STK32B: variants seen among roughly 807,000 people sequenced by gnomAD.
The protein encoded by STK32B is serine/threonine kinase 32B.
Under a neutral mutation model 52.6 loss-of-function variants are expected in STK32B, and 43 were observed. The ratio of observed to expected loss-of-function variants is 0.82; its 90% CI spans 0.64 to 1.05. STK32B has a LOEUF of 1.05. Ranked by LOEUF, STK32B falls within the 50% of genes least tolerant of loss-of-function variation. STK32B has a pLI of 0.00. For missense variants in STK32B, 621 were observed against 534.6 expected (o/e 1.16, Z -1.59); for synonymous variants, 238 against 204.3 (o/e 1.17, Z -1.41).
At chr4:5,385,552 G>A (rs1736192257) in intron 4 of STK32B, among the ~76,000 whole-genome samples, 1 of 151,996 alleles carries the variant, frequency 6.6e-6, no homozygotes, top group Non-Finnish European at 1.5e-5. Context: ...GGCCAGGCAT[G>A]CTCCGGCAAG....
intron 8 of STK32B, 52 bp downstream of exon 8, chr4:5,456,975 A>G: frequency 7.5e-7 from 1 of 1,330,352 alleles, no homozygotes; most frequent in Non-Finnish European, 1.0e-6. Flanking sequence ...GTGAGTGTAG[A>G]AACAGCCATA....
At chr4:5,208,496 T>C (rs1411815513) in intron 3 of STK32B, among the ~76,000 whole-genome samples, 1 of 152,240 alleles carries the variant, frequency 6.6e-6, no homozygotes, top group African/African-American at 2.4e-5. Flanking sequence ...ACATTAGTCA[T>C]GAGAAGTTTT....
chr4:5,109,343 C>T (rs796804848), intron 1 of STK32B, among the ~76,000 whole-genome samples: 7 of 152,274 alleles, frequency 4.6e-5, no homozygotes, highest in African/African-American at 1.7e-4. Context: ...TTATGATAGT[C>T]ACAAAGGACA....
chr4:5,261,704 C>G (rs1224497025), intron 3 of STK32B, among the ~76,000 whole-genome samples: 1 of 152,146 alleles, frequency 6.6e-6, no homozygotes, highest in East Asian at 1.9e-4. Context: ...TAGGACAGCT[C>G]CCCCAAACAC....
At position 5,112,520 on chromosome 4, in the gene STK32B, G is replaced by A. The variant is rs141548390; in HGVS notation, c.53-27385G>A. Among the ~76,000 whole-genome samples the A allele has an allele frequency of 3.4e-3, 511 of 152,282 alleles. 3 individuals carry two copies. Among genetic ancestry groups the A allele is most frequent in the African/African-American group, 0.012 (483 of 41,534 alleles). On this transcript the variant is annotated intron_variant, in intron 1 of 11. Coordinates refer to ENST00000282908, the MANE Select transcript of STK32B (RefSeq NM_018401.3). Reference sequence around the variant, plus strand: ...CAGGAGGAGTTCCCTTCTACTAGAGGAAGGGTCAGCCTTTAGTTCTCTTCA... The same window carrying A: ...CAGGAGGAGTTCCCTTCTACTAGAGAAAGGGTCAGCCTTTAGTTCTCTTCA...
At chr4:5,093,180 A>G (rs1713189540) in intron 1 of STK32B, among the ~76,000 whole-genome samples, 1 of 152,242 alleles carries the variant, frequency 6.6e-6, no homozygotes, top group Non-Finnish European at 1.5e-5. Flanking sequence ...ATGAATACCT[A>G]AAATATATGT....
Position 5,498,987 on chromosome 4 carries a change from C to G in STK32B, c.1149C>G (p.Thr383=), listed in dbSNP as rs147058808. 543 of 1,613,768 alleles carry G rather than the reference C, an allele frequency of 3.4e-4. 2 individuals are homozygous for G. In the East Asian group the frequency reaches 4.1e-3, roughly 12 times the overall value. The change falls in exon 12 of 12, where the codon ACC becomes ACG. Residue 383 remains threonine, a synonymous_variant. Transcript: ENST00000282908. The part of the protein sequence containing the change: ...QQGQGSQLLD[T]DSRGGGQAQS... The stretch of plus-strand genomic sequence containing the variant: ...GACAGGGCAGCCAGCTCTTGGACAC[C>G]GACAGCCGAGGGGGAGGCCAGGCCC...
chr4:5,391,201 C>T (rs969128852), intron 4 of STK32B, among the ~76,000 whole-genome samples: 18 of 151,958 alleles, frequency 1.2e-4, no homozygotes, highest in African/African-American at 4.4e-4. Context: ...ACCTCATGAT[C>T]TACCTGCCTT....
At chr4:5,070,905 C>T (rs1326936006) in intron 1 of STK32B, among the ~76,000 whole-genome samples, 3 of 152,126 alleles carry the variant, frequency 2.0e-5, no homozygotes, top group Admixed American at 6.6e-5. Context: ...CACAAGAAGG[C>T]GTTCCTAGGC....
At chr4:5,072,389 TAC>T (rs1358368346) in intron 1 of STK32B, among the ~76,000 whole-genome samples, 1 of 152,194 alleles carries the variant, frequency 6.6e-6, no homozygotes, top group African/African-American at 2.4e-5. Context: ...AAGTAGAGAT[TAC>T]ATTCCTTCAA....
At chr4:5,313,812 G>C (rs924529350) in intron 3 of STK32B, among the ~76,000 whole-genome samples, 1 of 152,106 alleles carries the variant, frequency 6.6e-6, no homozygotes, top group Non-Finnish European at 1.5e-5. Context: ...CATGTGGAAA[G>C]CAACAATTTA....
chr4:5,413,233 C>A (rs1212803451), intron 5 of STK32B, among the ~76,000 whole-genome samples: 1 of 152,168 alleles, frequency 6.6e-6, no homozygotes. Flanking sequence ...AATAACCTGT[C>A]TAAGTCACAT....
At chr4:5,392,726 A>G (rs760018085) in intron 4 of STK32B, among the ~76,000 whole-genome samples, 2 of 152,154 alleles carry the variant, frequency 1.3e-5, no homozygotes, top group African/African-American at 4.8e-5. Context: ...TATCTCTAAG[A>G]GTTGTGTCAA....
At chr4:5,405,658 A>G (rs1737612112) in intron 5 of STK32B, among the ~76,000 whole-genome samples, 1 of 152,154 alleles carries the variant, frequency 6.6e-6, no homozygotes, top group Non-Finnish European at 1.5e-5. Flanking sequence ...GGAAGCAAGC[A>G]CGTCTTCACA....
chr4:5,484,421 T>C (rs1718977273), intron 11 of STK32B, among the ~76,000 whole-genome samples: 1 of 152,180 alleles, frequency 6.6e-6, no homozygotes, highest in Non-Finnish European at 1.5e-5. Flanking sequence ...CTCTGCCTTT[T>C]TTTGTTTTCC....
intron 3 of STK32B, among the ~76,000 whole-genome samples, chr4:5,174,341 A>G (rs62290496): frequency 0.26 from 39,474 of 151,726 alleles, 5,407 homozygotes; most frequent in East Asian, 0.36. Context: ...TGATCCTGTC[A>G]TTATGATGTT....
chr4:5,390,708 A>G (rs1736542378), intron 4 of STK32B, among the ~76,000 whole-genome samples: 2 of 152,082 alleles, frequency 1.3e-5, no homozygotes, highest in African/African-American at 2.4e-5. Flanking sequence ...GTCTTTAAGT[A>G]GCACAGACTG....
At chr4:5,176,447 T>TTTA (rs1719908857) in intron 3 of STK32B, among the ~76,000 whole-genome samples, 2 of 149,784 alleles carry the variant, frequency 1.3e-5, no homozygotes, top group East Asian at 3.9e-4. Flanking sequence ...TCTTTTTTTT[T>TTTA]TTTTTTTTTT....
intron 3 of STK32B, among the ~76,000 whole-genome samples, chr4:5,328,868 G>T (rs1362123010): frequency 2.6e-5 from 4 of 152,142 alleles, no homozygotes; most frequent in South Asian, 2.1e-4. Context: ...CTTTGTTGAG[G>T]GGGAGGAGCA....
Sources: gnomAD v4.1 joint callset for allele counts (sites outside exome capture counted in the v4.1 genomes callset) on GRCh38, gnomAD v4.1.1 for gene constraint, MANE v1.5 for transcripts, NCBI Gene and HGNC (gene_info 2026-07-23, HGNC 2026-07-21) for gene names.